The following CASZ1 variants were observed in gnomAD, a reference collection of about 807,000 sequenced individuals.
The protein encoded by CASZ1 is zinc finger protein castor homolog 1.
In CASZ1, 28 loss-of-function variants were observed where a neutral mutation model predicts 135.2. That is an observed-to-expected ratio of 0.21 (90% confidence interval 0.15 to 0.28). The LOEUF (loss-of-function observed/expected upper bound fraction) is 0.28. Ranked by LOEUF, CASZ1 falls within the 10% of genes least tolerant of loss-of-function variation. CASZ1 has a pLI of 1.00. For synonymous variants in CASZ1, 1,068 were observed against 1,073.4 expected, an observed-to-expected ratio of 0.99 and a Z score of 0.10; for missense variants, 2,161 against 2,453.3, an observed-to-expected ratio of 0.88 and a Z score of 2.52.
chr1:10,650,586 T>A, intron 13 of CASZ1, 106 bp downstream of exon 13: 1 of 922,192 alleles, frequency 1.1e-6, no homozygotes, highest in Non-Finnish European at 1.8e-6. Context: ...CAAACTCATC[T>A]TATTAGAGGC....
chr1:10,702,247 C>A (rs1280520096), intron 3 of CASZ1, among the ~76,000 whole-genome samples: 1 of 152,236 alleles, frequency 6.6e-6, no homozygotes, highest in Admixed American at 6.5e-5. Flanking sequence ...TTCAGCAGAT[C>A]CCCTGCTTTC....
chr1:10,754,779 C>T (rs748772804), intron 2 of CASZ1, among the ~76,000 whole-genome samples: 26 of 152,186 alleles, frequency 1.7e-4, no homozygotes, highest in Non-Finnish European at 3.5e-4. Context: ...CTCCTGGGCT[C>T]GGATTGTTTT....
At position 10,646,366 on chromosome 1, in the gene CASZ1, C is replaced by G; in HGVS notation, c.3498-40G>C. 6.3e-7 allele frequency: 1 copy of G among 1,595,144 alleles called. No individual in the cohort carries two copies. The highest frequency in any genetic ancestry group is 8.6e-7 in the Non-Finnish European group (1 of 1,165,262). On this transcript the variant is annotated intron_variant, in intron 16 of 20. Transcript: ENST00000377022. This position sits in a 1 kb window ranked among gnomAD's most constrained non-coding sequence, Gnocchi z 6.4. ...CAGCCCAGAAGGTCATTGCCATTCT[C>G]AAGCCCTCCCTGCTGGTGTCCTGAC...
At chr1:10,644,773 C>G (rs1039584329) in intron 18 of CASZ1, 144 bp downstream of exon 18, 8 of 815,488 alleles carry the variant, frequency 9.8e-6, no homozygotes, top group African/African-American at 6.9e-5. Flanking sequence ...GTGCCTAGCC[C>G]GTGATATCTG....
At position 10,660,361 on chromosome 1, in the gene CASZ1, C is replaced by T; in HGVS notation, c.681G>A (p.Glu227=). The change falls in exon 6 of 21, where the codon GAG becomes GAA. Residue 227 remains glutamate (E), a synonymous_variant. Transcript: ENST00000377022. ...ACCGCGCCCGCTTGCTGAGGGTATC[C>T]TCGGAGGTGGGCAGCATGGAGGAGG... ...AATSSMLPTS[E]DTLSKRARFS... is the part of the protein sequence containing the mutation. 6.2e-7 allele frequency: 1 copy of T among 1,614,132 alleles called. No individual in the cohort carries two copies. The highest frequency in any genetic ancestry group is 1.1e-5 in the South Asian group (1 of 91,084).
intron 2 of CASZ1, among the ~76,000 whole-genome samples, chr1:10,710,601 A>C (rs1282538428): frequency 6.6e-6 from 1 of 152,138 alleles, no homozygotes; most frequent in African/African-American, 2.4e-5. Flanking sequence ...AGCAGTGCCC[A>C]CTCCAGTCTC....
chr1:10,743,703 G>C (rs1437703548), intron 2 of CASZ1, among the ~76,000 whole-genome samples: 1 of 150,940 alleles, frequency 6.6e-6, no homozygotes, highest in Non-Finnish European at 1.5e-5. Context: ...GAGGGAAAGG[G>C]AGAAAAAATA....
chr1:10,772,647 G>A (rs893611068), intron 1 of CASZ1, among the ~76,000 whole-genome samples: 2 of 152,196 alleles, frequency 1.3e-5, no homozygotes, highest in African/African-American at 4.8e-5. Flanking sequence ...AGCTCGGCCA[G>A]TTTAACGAGG....
intron 18 of CASZ1, 87 bp downstream of exon 18, chr1:10,644,830 G>C: frequency 7.2e-7 from 1 of 1,387,166 alleles, no homozygotes; most frequent in Non-Finnish European, 1.0e-6. Flanking sequence ...AACAGGACGC[G>C]GGTACCAGGA....
Position 10,646,449 on chromosome 1 carries a change from C to T in CASZ1, c.3498-123G>A. 1 of 861,786 alleles carries T rather than the reference C, an allele frequency of 1.2e-6. No homozygotes were observed. The highest frequency in any genetic ancestry group is 1.6e-5 in the South Asian group (1 of 62,886). 53.4% of individuals were successfully genotyped at this position (861,786 alleles called of 1,614,324 possible). ...CAGCGGTACCACCAAGAGGGATGGCCTGGGCTGCTGTCCTGCTCAACAGGA... is the reference window on the plus strand; with the variant it reads ...CAGCGGTACCACCAAGAGGGATGGCTTGGGCTGCTGTCCTGCTCAACAGGA... On this transcript the variant is annotated intron_variant, in intron 16 of 20. Coordinates refer to ENST00000377022, the MANE Select transcript of CASZ1 (RefSeq NM_001079843.3). The surrounding 1 kb of genome is among the most constrained non-coding windows in gnomAD (Gnocchi z 6.4).
At position 10,707,983 on chromosome 1, in the gene CASZ1, A is replaced by G. The variant is rs1400864947; in HGVS notation, c.-76-2439T>C. Among the ~76,000 whole-genome samples the G allele has an allele frequency of 1.3e-5, 2 of 152,226 alleles. No homozygotes were observed. Among genetic ancestry groups the G allele is most frequent in the Non-Finnish European group, 2.9e-5 (2 of 68,040 alleles). ...GCTAAGAAAGAAAAGCCATGTGCTC[A>G]GAGATCATGGCAGAAAGTGCCTAAG... On this transcript the variant is annotated intron_variant, in intron 2 of 20. Coordinates refer to ENST00000377022, the MANE Select transcript of CASZ1 (RefSeq NM_001079843.3). The surrounding 1 kb of genome is among the most constrained non-coding windows in gnomAD (Gnocchi z 5.0).
At chr1:10,761,425 G>T (rs148952952) in intron 1 of CASZ1, among the ~76,000 whole-genome samples, 2,583 of 152,256 alleles carry the variant, frequency 0.017, 33 homozygotes, top group Middle Eastern at 0.051. Flanking sequence ...ATTTCTTCTG[G>T]CTTTCCTTCC....
At chr1:10,665,923 G>T (rs1233223256) in intron 4 of CASZ1, among the ~76,000 whole-genome samples, 2 of 152,182 alleles carry the variant, frequency 1.3e-5, no homozygotes, top group Admixed American at 6.5e-5. Flanking sequence ...CTGGGAGGGG[G>T]TGTGCCCTTT....
chr1:10,771,915 G>A (rs141640740), intron 1 of CASZ1, among the ~76,000 whole-genome samples: 34 of 152,268 alleles, frequency 2.2e-4, no homozygotes, highest in Non-Finnish European at 2.8e-4. Flanking sequence ...CCCTTGTCCC[G>A]TCCCAGCCCA....
intron 2 of CASZ1, among the ~76,000 whole-genome samples, chr1:10,710,832 G>T (rs2100456611): frequency 6.6e-6 from 1 of 152,376 alleles, no homozygotes; most frequent in Non-Finnish European, 1.5e-5. Flanking sequence ...ACAAGGAAGA[G>T]AAAACAAGAA....
rs569880450 is a variant in CASZ1, at chr1:10,776,037, G to A, written c.-233-15180C>T. 3.1e-4 allele frequency among the ~76,000 whole-genome samples: 47 copies of A among 152,314 alleles called. No individual in the cohort carries two copies. Among genetic ancestry groups the A allele is most frequent in the African/African-American group, 1.1e-3 (46 of 41,566 alleles). Reference sequence around the variant, plus strand: ...CATCAGTGGGGTCTGCTCGGTCCCTGTAGCTAATTTACACCCGTCAGGGTT... The same window carrying A: ...CATCAGTGGGGTCTGCTCGGTCCCTATAGCTAATTTACACCCGTCAGGGTT... On this transcript the variant is annotated intron_variant, in intron 1 of 20. Transcript: ENST00000377022. This position sits in a 1 kb window ranked among gnomAD's most constrained non-coding sequence, Gnocchi z 4.1.
At position 10,700,080 on chromosome 1, in the gene CASZ1, G is replaced by GACACACACACACACACAC. The variant is rs572824153; in HGVS notation, c.-24+5394_-24+5411dup. Among the ~76,000 whole-genome samples, 9,448 of 133,764 alleles carry GACACACACACACACACAC rather than the reference G, an allele frequency of 0.071. 426 individuals carry two copies. Among genetic ancestry groups the GACACACACACACACACAC allele is most frequent in the Non-Finnish European group, 0.082 (5,108 of 62,282 alleles). 87.8% of individuals were successfully genotyped at this position (133,764 alleles called of 152,430 possible). A position where few individuals can be genotyped will look rare whatever the true frequency, so the allele number is the denominator to read the frequency against. ...AGACAGAGAGAGAAAGAGAGATAGA[G>GACACACACACACACACAC]ACACACACACACACACACACACACA... is the stretch of plus-strand genomic sequence containing the variant. On this transcript the variant is annotated intron_variant, in intron 3 of 20. Coordinates refer to ENST00000377022, the MANE Select transcript of CASZ1 (RefSeq NM_001079843.3). This position sits in a 1 kb window ranked among gnomAD's most constrained non-coding sequence, Gnocchi z 4.2.
At chr1:10,769,107 T>G (rs968969070) in intron 1 of CASZ1, among the ~76,000 whole-genome samples, 27 of 152,128 alleles carry the variant, frequency 1.8e-4, no homozygotes, top group African/African-American at 6.3e-4. Context: ...GCCACTGCAC[T>G]CCAGCCTGGG....
rs182878859 is a variant in CASZ1, at chr1:10,741,347, G to C, written c.-77+19354C>G. Among the ~76,000 whole-genome samples, 921 of 152,288 alleles carry C rather than the reference G, an allele frequency of 6.0e-3. 8 individuals carry two copies. Among genetic ancestry groups the C allele is most frequent in the African/African-American group, 0.021 (876 of 41,552 alleles). On this transcript the variant is annotated intron_variant, in intron 2 of 20. Transcript: ENST00000377022. The surrounding 1 kb of genome is among the most constrained non-coding windows in gnomAD (Gnocchi z 5.0). ...TCAAAGAGGAAAACAGCAAAGCAAAGCCTGGAAAAGAGCCACCAGCAGTTG... is the reference window on the plus strand; with the variant it reads ...TCAAAGAGGAAAACAGCAAAGCAAACCCTGGAAAAGAGCCACCAGCAGTTG...
Sources: gnomAD v4.1 joint callset for allele counts (sites outside exome capture counted in the v4.1 genomes callset) on GRCh38, gnomAD v4.1.1 for gene constraint, Gnocchi (gnomAD v3.1) non-coding constraint, MANE v1.5 for transcripts, NCBI Gene and HGNC (gene_info 2026-07-23, HGNC 2026-07-21) for gene names.